TMEM132D: variants seen among roughly 807,000 people sequenced by gnomAD.
The protein encoded by TMEM132D is mature OL transmembrane protein.
In TMEM132D, 21 loss-of-function variants were observed where a neutral mutation model predicts 62.3. The ratio of observed to expected loss-of-function variants is 0.34; its 90% CI spans 0.24 to 0.49. The LOEUF is 0.49. Ranked by LOEUF, TMEM132D falls within the 20% of genes least tolerant of loss-of-function variation. TMEM132D has a pLI of 0.99. For missense variants in TMEM132D, 1,346 were observed against 1,402.8 expected, an observed-to-expected ratio of 0.96 and a Z score of 0.65; for synonymous variants, 621 against 575.6, an observed-to-expected ratio of 1.08 and a Z score of -1.13.
rs1483335777 is a variant in TMEM132D, at chr12:129,903,952, C to G, written c.-613G>C. On this transcript the variant is annotated 5_prime_UTR_variant, in exon 1 of 9. Coordinates refer to ENST00000422113, the MANE Select transcript of TMEM132D (RefSeq NM_133448.3). The surrounding 1 kb of genome is among the most constrained non-coding windows in gnomAD (Gnocchi z 6.2). Reference sequence around the variant, plus strand: ...AAAGTTTGGCGGGTGCGGCTGCTCCCCGGCCGCCGCCTCGGCCCGCCCGGC... The same window carrying G: ...AAAGTTTGGCGGGTGCGGCTGCTCCGCGGCCGCCGCCTCGGCCCGCCCGGC... Among the ~76,000 whole-genome samples the G allele has an allele frequency of 6.7e-6, 1 of 148,220 alleles. No homozygotes were observed. Among genetic ancestry groups the G allele is most frequent in the Non-Finnish European group, 1.5e-5 (1 of 66,416 alleles).
At chr12:129,132,580 C>A (rs1481562492) in intron 5 of TMEM132D, among the ~76,000 whole-genome samples, 1 of 152,164 alleles carries the variant, frequency 6.6e-6, no homozygotes, top group Non-Finnish European at 1.5e-5. Flanking sequence ...AGTTTGTACC[C>A]TTTGACTCCA....
intron 4 of TMEM132D, among the ~76,000 whole-genome samples, chr12:129,252,228 T>C (rs1880287131): frequency 6.6e-6 from 1 of 152,138 alleles, no homozygotes; most frequent in Non-Finnish European, 1.5e-5. Flanking sequence ...AGCTGGGACA[T>C]AAACATACCA....
chr12:129,257,015 C>T (rs1042654908), intron 4 of TMEM132D, among the ~76,000 whole-genome samples: 1 of 152,150 alleles, frequency 6.6e-6, no homozygotes, highest in Admixed American at 6.5e-5. Flanking sequence ...CACATGGCAT[C>T]AGACTTTCCC....
chr12:129,700,507 G>A lies in TMEM132D; in HGVS notation c.271C>T (p.Pro91Ser), dbSNP rs765263700. 2.5e-5 allele frequency: 41 copies of A among 1,614,026 alleles called. No homozygotes were observed. The highest frequency in any genetic ancestry group is 3.4e-5 in the Non-Finnish European group (40 of 1,180,040). ...SFLIYKSRRL[P>S]VLNASYGPFS... The stretch of plus-strand genomic sequence containing the variant: ...GGCCCGTAGCTGGCATTGAGGACAG[G>A]CAGCCTCCTGGATTTGTAAATCAGA... The change falls in exon 2 of 9, where the codon CCT becomes TCT. Residue 91 changes from proline (P) to serine (S), a missense_variant. Transcript: ENST00000422113.
At chr12:129,545,835 T>C (rs1453086003) in intron 2 of TMEM132D, among the ~76,000 whole-genome samples, 2 of 152,218 alleles carry the variant, frequency 1.3e-5, no homozygotes, top group African/African-American at 4.8e-5. Context: ...AGTTCCACTC[T>C]GGTGAGAACA....
At chr12:129,279,725 C>T (rs1466042927) in intron 4 of TMEM132D, among the ~76,000 whole-genome samples, 1 of 152,084 alleles carries the variant, frequency 6.6e-6, no homozygotes, top group African/African-American at 2.4e-5. Flanking sequence ...AAAAATCTTC[C>T]GTTCATTCTT....
rs114704312 is a variant in TMEM132D, at chr12:129,333,321, T to C, written c.1299+4313A>G. Reference sequence around the variant, plus strand: ...GAATACAATATTGCATATCCTTTGATTTGAATTTATTTCTAAAAGTTGACC... The same window carrying C: ...GAATACAATATTGCATATCCTTTGACTTGAATTTATTTCTAAAAGTTGACC... On this transcript the variant is annotated intron_variant, in intron 4 of 8. Coordinates refer to ENST00000422113, the MANE Select transcript of TMEM132D (RefSeq NM_133448.3). 2.3e-3 allele frequency among the ~76,000 whole-genome samples: 347 copies of C among 152,340 alleles called. 1 individual carries two copies. The highest frequency in any genetic ancestry group is 7.8e-3 in the African/African-American group (324 of 41,588).
intron 2 of TMEM132D, among the ~76,000 whole-genome samples, chr12:129,615,775 T>C (rs1565923896): frequency 7.7e-6 from 1 of 130,078 alleles, no homozygotes; most frequent in Non-Finnish European, 1.6e-5. Flanking sequence ...ATAAAATAAT[T>C]AAAACAAAAC....
intron 1 of TMEM132D, among the ~76,000 whole-genome samples, chr12:129,898,359 CT>C (rs1875219247): frequency 6.6e-6 from 1 of 152,092 alleles, no homozygotes; most frequent in Non-Finnish European, 1.5e-5. Flanking sequence ...TTTTTGTCCC[CT>C]AGAAGAACTT....
intron 1 of TMEM132D, among the ~76,000 whole-genome samples, chr12:129,705,726 C>A (rs77702424): frequency 6.6e-6 from 1 of 152,140 alleles, no homozygotes; most frequent in African/African-American, 2.4e-5. Flanking sequence ...CAGATAAGCA[C>A]TGAAAACATT....
At chr12:129,719,639 A>C (rs982657344) in intron 1 of TMEM132D, among the ~76,000 whole-genome samples, 1 of 152,208 alleles carries the variant, frequency 6.6e-6, no homozygotes, top group Non-Finnish European at 1.5e-5. Context: ...GAATTCCATA[A>C]ACATCAGGTA....
At chr12:129,775,914 A>G (rs1870906028) in intron 1 of TMEM132D, among the ~76,000 whole-genome samples, 1 of 152,190 alleles carries the variant, frequency 6.6e-6, no homozygotes, top group Non-Finnish European at 1.5e-5. Flanking sequence ...AAGGAATTTT[A>G]TATACCAATC....
At chr12:129,855,280 G>A (rs374370325) in intron 1 of TMEM132D, among the ~76,000 whole-genome samples, 67 of 61,136 alleles carry the variant, frequency 1.1e-3, no homozygotes, top group African/African-American at 3.4e-3. Context: ...AACGGAGTCC[G>A]GGGGAACGGG....
chr12:129,514,739 T>C (rs1022047075), intron 3 of TMEM132D, among the ~76,000 whole-genome samples: 9 of 152,218 alleles, frequency 5.9e-5, no homozygotes, highest in South Asian at 2.1e-4. Flanking sequence ...TGATCATTGA[T>C]GTTTAAGATG....
intron 3 of TMEM132D, among the ~76,000 whole-genome samples, chr12:129,466,140 T>C (rs750658548): frequency 1.1e-5 from 1 of 91,862 alleles, no homozygotes. Context: ...TTGATAATGC[T>C]TTTGTTATTG....
intron 3 of TMEM132D, among the ~76,000 whole-genome samples, chr12:129,443,175 T>C (rs1041246852): frequency 1.3e-5 from 2 of 152,166 alleles, no homozygotes; most frequent in African/African-American, 4.8e-5. Context: ...CCTCTACAAG[T>C]TGCTTCCAAG....
chr12:129,873,185 T>C (rs909512460), intron 1 of TMEM132D, among the ~76,000 whole-genome samples: 2 of 152,198 alleles, frequency 1.3e-5, no homozygotes, highest in African/African-American at 4.8e-5. Flanking sequence ...ATTTTTCTTT[T>C]AATTTATCGC....
intron 4 of TMEM132D, among the ~76,000 whole-genome samples, chr12:129,244,425 A>G (rs988509936): frequency 6.6e-6 from 1 of 151,478 alleles, no homozygotes; most frequent in African/African-American, 2.4e-5. Flanking sequence ...AAAAAGGAAC[A>G]AGGTCTCTTA....
At chr12:129,882,674 T>C (rs994541456) in intron 1 of TMEM132D, among the ~76,000 whole-genome samples, 2 of 152,230 alleles carry the variant, frequency 1.3e-5, no homozygotes, top group African/African-American at 2.4e-5. Context: ...CTGATCACTA[T>C]ACATTATATG....
Sources: gnomAD v4.1 joint callset for allele counts (sites outside exome capture counted in the v4.1 genomes callset) on GRCh38, gnomAD v4.1.1 for gene constraint, Gnocchi (gnomAD v3.1) non-coding constraint, MANE v1.5 for transcripts, NCBI Gene and HGNC (gene_info 2026-07-23, HGNC 2026-07-21) for gene names.